The following PBX3 variants were observed in gnomAD, a reference collection of about 807,000 sequenced individuals.
PBX3 encodes the protein pre-B-cell leukemia transcription factor 3.
PBX3 carries 14 observed loss-of-function variants against 48.5 expected under a neutral mutation model. The observed-to-expected ratio is 0.29, with a 90% CI of 0.19 to 0.45. The LOEUF is 0.45. Among genes scored for constraint, PBX3 ranks in the 20% least tolerant of loss-of-function variants. PBX3 has a pLI of 1.00. For missense variants in PBX3, 386 were observed against 546.7 expected, an observed-to-expected ratio of 0.71 and a Z score of 2.93; for synonymous variants, 210 against 200.3, an observed-to-expected ratio of 1.05 and a Z score of -0.41.
intron 3 of PBX3, among the ~76,000 whole-genome samples, chr9:125,925,295 A>G (rs985715522): frequency 6.6e-6 from 1 of 152,192 alleles, no homozygotes; most frequent in African/African-American, 2.4e-5. Flanking sequence ...GTGCTGTTGA[A>G]TATGGCAGCC....
chr9:125,865,503 TTC>T (rs1449472236), intron 2 of PBX3, among the ~76,000 whole-genome samples: 6 of 152,210 alleles, frequency 3.9e-5, no homozygotes, highest in South Asian at 2.1e-4. Flanking sequence ...CCATAATAAT[TTC>T]TGTTTAGTAT....
At chr9:125,831,350 C>G (rs1274171311) in intron 2 of PBX3, among the ~76,000 whole-genome samples, 1 of 152,038 alleles carries the variant, frequency 6.6e-6, no homozygotes, top group Non-Finnish European at 1.5e-5. Context: ...ATGGATGACC[C>G]AGTGCCTGGA....
chr9:125,864,212 A>G (rs1393119861), intron 2 of PBX3, among the ~76,000 whole-genome samples: 1 of 152,240 alleles, frequency 6.6e-6, no homozygotes, highest in Non-Finnish European at 1.5e-5. Flanking sequence ...TGGAACCATT[A>G]AAAGAAAATC....
intron 2 of PBX3, among the ~76,000 whole-genome samples, chr9:125,852,071 G>A (rs568877472): frequency 2.9e-4 from 44 of 152,224 alleles, no homozygotes; most frequent in Admixed American, 1.4e-3. Context: ...CAGAAAAAAA[G>A]GGAAAGATGT....
chr9:125,896,079 C>T (rs1840761529), intron 2 of PBX3, among the ~76,000 whole-genome samples: 1 of 151,958 alleles, frequency 6.6e-6, no homozygotes, highest in African/African-American at 2.4e-5. Flanking sequence ...TTTCTGTTAC[C>T]ACTAAATATA....
chr9:125,808,087 C>T (rs1838180052), intron 2 of PBX3, among the ~76,000 whole-genome samples: 1 of 152,136 alleles, frequency 6.6e-6, no homozygotes, highest in African/African-American at 2.4e-5. Context: ...ACTTTCTAGA[C>T]CTTCAAGACA....
intron 2 of PBX3, among the ~76,000 whole-genome samples, chr9:125,804,642 C>A (rs140692950): frequency 8.6e-4 from 131 of 152,008 alleles, no homozygotes; most frequent in African/African-American, 3.0e-3. Context: ...TAAGGAAAAG[C>A]GCAATAAAGA....
chr9:125,779,724 T>G (rs1837189633), intron 2 of PBX3, among the ~76,000 whole-genome samples: 1 of 145,838 alleles, frequency 6.9e-6, no homozygotes. Flanking sequence ...CCCCTTTCTA[T>G]TCCACAAAAC....
At chr9:125,897,945 A>C (rs1840812413) in intron 2 of PBX3, among the ~76,000 whole-genome samples, 1 of 151,902 alleles carries the variant, frequency 6.6e-6, no homozygotes, top group African/African-American at 2.4e-5. Flanking sequence ...GACTTACTTT[A>C]ATTGAAGAAT....
chr9:125,907,686 G>A lies in PBX3; in HGVS notation c.275-8000G>A, dbSNP rs192050115. Among the ~76,000 whole-genome samples the A allele has an allele frequency of 1.5e-3, 234 of 152,172 alleles. 1 individual carries two copies. Among genetic ancestry groups the A allele is most frequent in the Admixed American group, 3.3e-3 (50 of 15,280 alleles). On this transcript the variant is annotated intron_variant, in intron 2 of 8. Coordinates refer to ENST00000373489, the MANE Select transcript of PBX3 (RefSeq NM_006195.6). Reference sequence around the variant, plus strand: ...GAGTCTAGGCTACTCTGACTCCAAAGCCATGTTCTCCAGTATTGTAATTTA... The same window carrying A: ...GAGTCTAGGCTACTCTGACTCCAAAACCATGTTCTCCAGTATTGTAATTTA...
intron 2 of PBX3, among the ~76,000 whole-genome samples, chr9:125,798,134 A>G (rs1181015895): frequency 6.6e-6 from 1 of 152,168 alleles, no homozygotes; most frequent in Admixed American, 6.5e-5. Context: ...ACTTGAGCTA[A>G]TAACAAATAG....
Position 125,965,968 on chromosome 9 carries a change from A to G in PBX3, c.*45A>G. 1 of 1,388,198 alleles carries G rather than the reference A, an allele frequency of 7.2e-7. No individual in the cohort carries two copies. The highest frequency in any genetic ancestry group is 1.7e-5 in the Admixed American group (1 of 59,240). The allele number at this position is 1,388,198 out of a possible 1,614,324, so 86.0% of individuals were successfully genotyped here. A position where few individuals can be genotyped will look rare whatever the true frequency, so the allele number is the denominator to read the frequency against. Reference sequence around the variant, plus strand: ...CTGAGCTACATGCCTTGATAAGTGCATTCAGAGCAATAGGAGGAAAAGGAA... The same window carrying G: ...CTGAGCTACATGCCTTGATAAGTGCGTTCAGAGCAATAGGAGGAAAAGGAA... On this transcript the variant is annotated 3_prime_UTR_variant, in exon 9 of 9. Transcript: ENST00000373489.
chr9:125,777,044 C>T (rs561941004), intron 2 of PBX3, among the ~76,000 whole-genome samples: 2 of 146,290 alleles, frequency 1.4e-5, no homozygotes, highest in Admixed American at 1.4e-4. Context: ...GAGTCTCTGT[C>T]ACCAGGCTGG....
chr9:125,785,943 C>CTT (rs201029654), intron 2 of PBX3, among the ~76,000 whole-genome samples: 19 of 138,374 alleles, frequency 1.4e-4, no homozygotes, highest in African/African-American at 4.7e-4. Flanking sequence ...TTTAAAGTCG[C>CTT]TTTTTTTTTT....
intron 2 of PBX3, among the ~76,000 whole-genome samples, chr9:125,866,149 A>T (rs994543950): frequency 1.3e-5 from 2 of 152,212 alleles, no homozygotes; most frequent in African/African-American, 4.8e-5. Flanking sequence ...TAATTTTCAA[A>T]AGTGAGTTAA....
At chr9:125,892,306 A>G (rs1039893956) in intron 2 of PBX3, among the ~76,000 whole-genome samples, 1 of 152,188 alleles carries the variant, frequency 6.6e-6, no homozygotes, top group Non-Finnish European at 1.5e-5. Context: ...GTATCGTAAT[A>G]TCATTTACAT....
chr9:125,798,600 TC>T (rs1837851777), intron 2 of PBX3, among the ~76,000 whole-genome samples: 2 of 152,156 alleles, frequency 1.3e-5, no homozygotes, highest in Admixed American at 1.3e-4. Context: ...TCTGGAAACT[TC>T]TAGAGGGAAG....
intron 1 of PBX3, among the ~76,000 whole-genome samples, chr9:125,747,966 G>A (rs1836245952): frequency 6.6e-6 from 1 of 151,712 alleles, no homozygotes; most frequent in Admixed American, 6.6e-5. Context: ...CCGACCCCGT[G>A]CGGGCCGCGC....
chr9:125,842,805 T>A (rs753846262), intron 2 of PBX3, among the ~76,000 whole-genome samples: 24 of 152,300 alleles, frequency 1.6e-4, no homozygotes, highest in Non-Finnish European at 4.4e-5. Context: ...TGTGAAGTCC[T>A]TTGATTGCTG....
Sources: allele counts gnomAD v4.1 joint callset (sites outside exome capture counted in the v4.1 genomes callset), GRCh38; gene constraint gnomAD v4.1.1; transcripts MANE v1.5; gene names NCBI Gene and HGNC (gene_info 2026-07-23, HGNC 2026-07-21).